GLS: variants seen among roughly 807,000 people sequenced by gnomAD.
GLS encodes the protein glutaminase kidney isoform, mitochondrial.
In GLS, 36 loss-of-function variants were observed where a neutral mutation model predicts 86.7. The observed-to-expected ratio is 0.42, with a 90% confidence interval of 0.32 to 0.55. The LOEUF is 0.55. Ranked by LOEUF, GLS falls within the 20% of genes least tolerant of loss-of-function variation. The probability of loss-of-function intolerance (pLI) is 0.17; values close to 1 mark genes in which losing one functional copy is unlikely to be tolerated. For synonymous variants in GLS, 317 were observed against 305.9 expected (o/e 1.04, Z -0.38); for missense variants, 528 against 833.4 (o/e 0.63, Z 4.51).
intron 5 of GLS, among the ~76,000 whole-genome samples, chr2:190,903,687 C>G (rs1689030809): frequency 6.6e-6 from 1 of 152,068 alleles, no homozygotes; most frequent in Non-Finnish European, 1.5e-5. Context: ...GACTTCAGAA[C>G]TAGAACATAT....
chr2:190,917,259 GT>G (rs778542305), intron 7 of GLS, among the ~76,000 whole-genome samples: 7 of 152,176 alleles, frequency 4.6e-5, no homozygotes, highest in Non-Finnish European at 8.8e-5. Context: ...ACCAGAAGTA[GT>G]TTTCATCTCA....
At chr2:190,883,039 A>G (rs1330661766) in intron 1 of GLS, among the ~76,000 whole-genome samples, 1 of 152,226 alleles carries the variant, frequency 6.6e-6, no homozygotes, top group Non-Finnish European at 1.5e-5. Flanking sequence ...TGGGAACTGC[A>G]TTCTAGTAAA....
intron 3 of GLS, 104 bp from the exon 4 acceptor site, chr2:190,900,460 A>G: frequency 1.9e-6 from 1 of 514,734 alleles, no homozygotes; most frequent in East Asian, 3.3e-5. Context: ...ATAAAATGAT[A>G]AATTTATCTA....
chr2:190,923,313 G>C (rs1689806001), intron 9 of GLS, among the ~76,000 whole-genome samples: 1 of 152,130 alleles, frequency 6.6e-6, no homozygotes, highest in Non-Finnish European at 1.5e-5. Flanking sequence ...TCCTTTGTTT[G>C]TTTGATGTTT....
intron 1 of GLS, among the ~76,000 whole-genome samples, chr2:190,887,491 T>C (rs781076711): frequency 3.9e-5 from 6 of 152,190 alleles, no homozygotes; most frequent in Non-Finnish European, 8.8e-5. Context: ...ATAAAACTGA[T>C]AGCTTTCAGG....
intron 9 of GLS, 107 bp from the exon 10 acceptor site, chr2:190,923,810 C>A (rs1421559031): frequency 1.4e-6 from 1 of 727,260 alleles, no homozygotes; most frequent in Middle Eastern, 2.4e-4. Context: ...AGTCCTGAAT[C>A]TTAGTTCAGT....
chr2:190,885,524 A>C (rs1574555859), intron 1 of GLS, among the ~76,000 whole-genome samples: 1 of 152,176 alleles, frequency 6.6e-6, no homozygotes, highest in South Asian at 2.1e-4. Context: ...TGAAATGCTT[A>C]TGAATTTCAG....
intron 9 of GLS, among the ~76,000 whole-genome samples, chr2:190,922,155 A>G (rs1332454120): frequency 6.6e-6 from 1 of 152,138 alleles, no homozygotes; most frequent in Non-Finnish European, 1.5e-5. Flanking sequence ...TTAGTAGAAA[A>G]CAGCCATAGA....
chr2:190,919,609 G>T, intron 7 of GLS: 9 of 572,722 alleles, frequency 1.6e-5, no homozygotes, highest in Non-Finnish European at 1.8e-5. Context: ...TGGTTTAAAT[G>T]TTGTTACATA....
Position 190,954,840 on chromosome 2 carries a change from T to C in GLS, c.1853+22T>C. 1 of 1,469,222 alleles carries C rather than the reference T, an allele frequency of 6.8e-7. No homozygotes were observed. The allele number at this position is 1,469,222 out of a possible 1,614,324, so 91.0% of individuals were successfully genotyped here. On this transcript the variant is annotated intron_variant, in intron 17 of 17. Coordinates refer to ENST00000320717, the MANE Select transcript of GLS (RefSeq NM_014905.5). This position sits in a 1 kb window ranked among gnomAD's most constrained non-coding sequence, Gnocchi z 4.0. Reference sequence around the variant, plus strand: ...ACAGGTGAGCACTTATGTTACCTTCTAAATATGTCAGTATTTTATTATGCA... The same window carrying C: ...ACAGGTGAGCACTTATGTTACCTTCCAAATATGTCAGTATTTTATTATGCA...
At position 190,897,536 on chromosome 2, in the gene GLS, A is replaced by G. The variant is rs186060964; in HGVS notation, c.605+1811A>G. Among the ~76,000 whole-genome samples, 1 of 152,218 alleles carries G rather than the reference A, an allele frequency of 6.6e-6. No individual in the cohort carries two copies. Among genetic ancestry groups the G allele is most frequent in the Admixed American group, 6.5e-5 (1 of 15,288 alleles). On this transcript the variant is annotated intron_variant, in intron 3 of 17. Coordinates refer to ENST00000320717, the MANE Select transcript of GLS (RefSeq NM_014905.5). This position sits in a 1 kb window ranked among gnomAD's most constrained non-coding sequence, Gnocchi z 4.3. ...TGTTTTATGGTCTATATGAGCAACCAGTAGAAAAGTACAAGTCTCTAGGGC... is the reference window on the plus strand; with the variant it reads ...TGTTTTATGGTCTATATGAGCAACCGGTAGAAAAGTACAAGTCTCTAGGGC...
intron 14 of GLS, among the ~76,000 whole-genome samples, chr2:190,942,692 G>A (rs1355806115): frequency 2.0e-5 from 3 of 152,224 alleles, no homozygotes; most frequent in Non-Finnish European, 4.4e-5. Context: ...AACCTTGGGA[G>A]TATGGGAAGA....
At chr2:190,887,229 A>G (rs375607638) in intron 1 of GLS, among the ~76,000 whole-genome samples, 2 of 152,338 alleles carry the variant, frequency 1.3e-5, no homozygotes, top group African/African-American at 4.8e-5. Flanking sequence ...ACATAGAGAT[A>G]CTGTTAGTAC....
rs1011313834 is a variant in GLS at position 190,956,847 on chromosome 2, T to C, written c.1853+2029T>C. 7.9e-5 allele frequency among the ~76,000 whole-genome samples: 12 copies of C among 152,316 alleles called. No homozygotes were observed. The highest frequency in any genetic ancestry group is 2.6e-4 in the African/African-American group (11 of 41,560). On this transcript the variant is annotated intron_variant, in intron 17 of 17. Transcript: ENST00000320717. The surrounding 1 kb of genome is among the most constrained non-coding windows in gnomAD (Gnocchi z 4.2). ...CCCTTGTAAGTTGAATTCCTAGGTA[T>C]TTTATTCTCTTTGTAGCAGTTGTGA...
chr2:190,902,108 C>T lies in GLS; in HGVS notation c.815+82C>T, dbSNP rs577833151. ...GTGAGAATGACATGGAGAAGATCAT[C>T]TTTTATAATGGAAATTAGTCCTAAC... On this transcript the variant is annotated intron_variant, in intron 5 of 17. Coordinates refer to ENST00000320717, the MANE Select transcript of GLS (RefSeq NM_014905.5). 7.7e-6 allele frequency: 6 copies of T among 778,664 alleles called. No individual in the cohort carries two copies. In the African/African-American group the frequency reaches 8.5e-5, roughly 11 times the overall value. 48.2% of individuals were successfully genotyped at this position (778,664 alleles called of 1,614,324 possible).
intron 5 of GLS, among the ~76,000 whole-genome samples, chr2:190,904,749 A>AT (rs1352498022): frequency 4.6e-5 from 7 of 152,152 alleles, no homozygotes; most frequent in Non-Finnish European, 7.4e-5. Context: ...GTTATATGCA[A>AT]ATGCTATATC....
intron 14 of GLS, chr2:190,934,475 T>C: frequency 1.0e-6 from 1 of 977,770 alleles, no homozygotes; most frequent in East Asian, 1.1e-4. Context: ...CTTTGAATGT[T>C]CAGATGCATA....
chr2:190,910,201 A>G (rs1233845958), intron 6 of GLS, 62 bp from the exon 7 acceptor site: 6 of 976,510 alleles, frequency 6.1e-6, no homozygotes, highest in Non-Finnish European at 9.5e-6. Flanking sequence ...CATTTTTAGT[A>G]TAGTAATATT....
intron 14 of GLS, chr2:190,933,760 ATTATC>A: frequency 1.4e-6 from 1 of 702,660 alleles, no homozygotes; most frequent in South Asian, 6.5e-5. Context: ...TTTACATTTT[ATTATC>A]TTAATTTTAT....
Sources: allele counts gnomAD v4.1 joint callset (sites outside exome capture counted in the v4.1 genomes callset), GRCh38; gene constraint gnomAD v4.1.1; non-coding constraint Gnocchi (gnomAD v3.1); transcripts MANE v1.5; gene names NCBI Gene and HGNC (gene_info 2026-07-23, HGNC 2026-07-21).